Variants in SEC22C observed in about 807,000 individuals in gnomAD.
SEC22C encodes the protein SEC22 homolog C, vesicle trafficking protein, also known as vesicle-trafficking protein SEC22c.
Under a neutral mutation model 34.7 loss-of-function variants are expected in SEC22C, and 29 were observed. The observed-to-expected ratio is 0.84, with a 90% CI of 0.62 to 1.14. The LOEUF (loss-of-function observed/expected upper bound fraction) is 1.14, where lower values mean the gene tolerates loss of function less well. SEC22C is among the 50% of genes most tolerant of loss of function. The pLI, the probability that SEC22C is intolerant of heterozygous loss-of-function variation, is 0.00. For synonymous variants in SEC22C, 117 were observed against 132.8 expected (o/e 0.88, Z 0.82); for missense variants, 337 against 369.0 (o/e 0.91, Z 0.71).
chr3:42,579,476 C>G (rs986316952), intron 1 of SEC22C: 2 of 150,628 alleles, frequency 1.3e-5, no homozygotes, highest in African/African-American at 4.9e-5. Flanking sequence ...GTGGCACACA[C>G]CTGTGGTCCC....
intron 1 of SEC22C, among the ~76,000 whole-genome samples, chr3:42,589,278 A>G (rs1239079116): frequency 1.3e-5 from 2 of 152,046 alleles, no homozygotes; most frequent in Non-Finnish European, 2.9e-5. Flanking sequence ...CAAAAAAAAA[A>G]GAAAAAAGAA....
rs1234894470 is a variant in SEC22C at position 42,600,641 on chromosome 3, T to C, written c.-28+319A>G. 1.7e-5 allele frequency: 3 copies of C among 172,320 alleles called. No individual in the cohort carries two copies. The East Asian group carries it at 4.8e-4, about 28-fold the overall frequency. The allele number at this position is 172,320 out of a possible 1,614,324, so 10.7% of individuals were successfully genotyped here. ...ACTCTCGCGGTATTTGTCCCGACTC[T>C]CGCGGGGTTTAGCGTGGCATTGGGA... On this transcript the variant is annotated intron_variant, in intron 1 of 6. Coordinates refer to the SEC22C transcript ENST00000417572.
In SEC22C at chr3:42,551,808, T is replaced by C; in HGVS notation, c.*1440A>G. 1.0e-6 allele frequency: 1 copy of C among 977,144 alleles called. No individual in the cohort carries two copies. The highest frequency in any genetic ancestry group is 1.2e-6 in the Non-Finnish European group (1 of 822,358). 60.5% of individuals were successfully genotyped at this position (977,144 alleles called of 1,614,324 possible). A position where few individuals can be genotyped will look rare whatever the true frequency, so the allele number is the denominator to read the frequency against. On this transcript the variant is annotated 3_prime_UTR_variant, in exon 7 of 7. Transcript: ENST00000264454. ...AATACCAGTGATAACCAAATATAAT[T>C]GAATTTTTCTAAAACTACATTCTTA...
At chr3:42,558,607 T>C (rs894869296) in intron 4 of SEC22C, among the ~76,000 whole-genome samples, 1 of 149,976 alleles carries the variant, frequency 6.7e-6, no homozygotes, top group African/African-American at 2.5e-5. Flanking sequence ...GGCAACATGG[T>C]GAAACCCCAT....
chr3:42,553,628 G>A (rs1490320728), intron 6 of SEC22C, among the ~76,000 whole-genome samples, 180 bp from the exon 7 acceptor site: 1 of 152,204 alleles, frequency 6.6e-6, no homozygotes, highest in Non-Finnish European at 1.5e-5. Flanking sequence ...TTGGACGAAA[G>A]TGAGGATTTG....
In SEC22C at chr3:42,561,300, C is replaced by T. The variant is rs772166427; in HGVS notation, c.347-4G>A. 1.2e-6 allele frequency: 2 copies of T among 1,612,334 alleles called. No individual in the cohort carries two copies. The highest frequency in any genetic ancestry group is 1.1e-5 in the South Asian group (1 of 90,946). The stretch of plus-strand genomic sequence containing the variant: ...TTCACTTTCTGAATGATGCTGTCTG[C>T]AAAAAGAGAGCAACACAAGTTAAGC... On this transcript the variant is annotated splice_region_variant and splice_polypyrimidine_tract_variant and intron_variant, in intron 3 of 6. Coordinates refer to ENST00000264454, the MANE Select transcript of SEC22C (RefSeq NM_032970.4).
At chr3:42,595,782 A>T (rs1244397213) in intron 1 of SEC22C, among the ~76,000 whole-genome samples, 2 of 152,170 alleles carry the variant, frequency 1.3e-5, no homozygotes, top group African/African-American at 4.8e-5. Flanking sequence ...CAACTGTAAA[A>T]TACATGTAAA....
chr3:42,590,783 C>T lies in SEC22C; in HGVS notation c.-28+10177G>A, dbSNP rs570911808. ...CTCTTGCGCGTCCAGTCACAAATGA[C>T]GTCCCTTCTGTACCCCGCCCTGTAG... On this transcript the variant is annotated intron_variant, in intron 1 of 6. Coordinates refer to the SEC22C transcript ENST00000417572. The T allele has an allele frequency of 4.7e-6, 5 of 1,062,302 alleles. No homozygotes were observed. The South Asian group carries it at 6.2e-5, about 13-fold the overall frequency. 65.8% of individuals were successfully genotyped at this position (1,062,302 alleles called of 1,614,324 possible).
chr3:42,582,667 A>G (rs1415631105), upstream of SEC22C, among the ~76,000 whole-genome samples: 7 of 152,238 alleles, frequency 4.6e-5, no homozygotes, highest in African/African-American at 1.2e-4. Context: ...ACACCTGTAT[A>G]AATACAAACT....
At chr3:42,600,952 GC>G in intron 1 of SEC22C, 3 of 1,430,040 alleles carry the variant, frequency 2.1e-6, no homozygotes, top group Non-Finnish European at 2.8e-6. Context: ...CCTCGCCCCT[GC>G]CCTGACCGCT....
At chr3:42,582,342 C>A (rs1409059636), upstream of SEC22C, 1 of 152,344 alleles carries the variant, frequency 6.6e-6, no homozygotes, top group Non-Finnish European at 1.5e-5. Flanking sequence ...ACGCCCGGGG[C>A]GTATGTTCTG....
exon 1 of SEC22C, chr3:42,601,078 T>A (rs1273521186): frequency 3.2e-6 from 5 of 1,556,026 alleles, no homozygotes; most frequent in Middle Eastern, 2.3e-4. Context: ...AGCTGGAAAC[T>A]GGGGAGCGCT....
intron 4 of SEC22C, among the ~76,000 whole-genome samples, chr3:42,560,889 C>T (rs976911395): frequency 5.3e-5 from 8 of 152,118 alleles, no homozygotes; most frequent in Admixed American, 2.6e-4. Flanking sequence ...ATCCGCCTGA[C>T]TTGGCCTCCC....
chr3:42,582,467 A>T (rs527332285), upstream of SEC22C: 22 of 152,496 alleles, frequency 1.4e-4, no homozygotes, highest in African/African-American at 4.8e-4. Flanking sequence ...CAAGCTGGGG[A>T]CCGAGGCACC....
upstream of SEC22C, among the ~76,000 whole-genome samples, chr3:42,584,493 T>A (rs1704546005): frequency 6.6e-6 from 1 of 152,234 alleles, no homozygotes; most frequent in Non-Finnish European, 1.5e-5. Flanking sequence ...TGGCCTCAAG[T>A]GATCTGCCCG....
intron 1 of SEC22C, among the ~76,000 whole-genome samples, chr3:42,574,299 C>T (rs1417070804): frequency 6.7e-6 from 1 of 148,444 alleles, no homozygotes; most frequent in Non-Finnish European, 1.5e-5. Flanking sequence ...TCTGTAGTCC[C>T]AGCTATACTG....
chr3:42,598,918 T>C (rs1705132713), intron 1 of SEC22C, among the ~76,000 whole-genome samples: 1 of 145,900 alleles, frequency 6.9e-6, no homozygotes, highest in African/African-American at 2.6e-5. Flanking sequence ...TGTATATATA[T>C]CTATAGATCT....
In SEC22C at chr3:42,552,982, C is replaced by T; in HGVS notation, c.*266G>A. ...TTTCTCTCTTCCAATAAAGCTCTTT[C>T]TGGATGAGCCCCCAGATCCAGCTGT... On this transcript the variant is annotated 3_prime_UTR_variant, in exon 7 of 7. Transcript: ENST00000264454. The T allele has an allele frequency of 7.9e-7, 1 of 1,262,524 alleles. No homozygotes were observed. The highest frequency in any genetic ancestry group is 1.0e-6 in the Non-Finnish European group (1 of 1,002,042). The allele number at this position is 1,262,524 out of a possible 1,614,324, so 78.2% of individuals were successfully genotyped here.
rs1703049569 is a variant in SEC22C at position 42,563,523 on chromosome 3, C to G, written c.346G>C (p.Asp116His). The G allele has an allele frequency of 6.2e-7, 1 of 1,606,678 alleles. No individual in the cohort carries two copies. ...ASRPYAFLEF[D>H]SIIQKVKWHF... Reference sequence around the variant, plus strand: ...ATAAATATGAAAGAGGGTTACAAACCAAACTCAAGAAAAGCGTATGGCCTG... The same window carrying G: ...ATAAATATGAAAGAGGGTTACAAACGAAACTCAAGAAAAGCGTATGGCCTG... Residue 116 changes from aspartate to histidine, a missense_variant and splice_region_variant, in exon 3 of 7, where the codon GAC becomes CAC. Physicochemically the swap from Asp to His is moderately conservative, Grantham distance 81. Transcript: ENST00000264454.
Sources: allele counts gnomAD v4.1 joint callset (sites outside exome capture counted in the v4.1 genomes callset), GRCh38; gene constraint gnomAD v4.1.1; transcripts MANE v1.5; gene names NCBI Gene and HGNC (gene_info 2026-07-23, HGNC 2026-07-21).